WWOX: variants seen among roughly 807,000 people sequenced by gnomAD.
The protein encoded by WWOX is WW domain-containing oxidoreductase.
Under a neutral mutation model 46.2 loss-of-function variants are expected in WWOX, and 69 were observed. The ratio of observed to expected loss-of-function variants is 1.49; its 90% CI spans 1.23 to 1.82. WWOX has a LOEUF of 1.82. Ranked by LOEUF, WWOX falls within the 40% of genes most tolerant of loss-of-function variation. WWOX has a pLI of 0.00. For missense variants in WWOX, 919 were observed against 542.6 expected (o/e 1.69, Z -6.89); for synonymous variants, 359 against 202.6 (o/e 1.77, Z -6.56).
chr16:78,432,378 T>C (rs2083242216), intron 7 of WWOX, 110 bp from the exon 8 acceptor site: 1 of 1,447,000 alleles, frequency 6.9e-7, no homozygotes, highest in African/African-American at 1.4e-5. Context: ...AGTGCTCGGA[T>C]TACAGATGTG....
At chr16:78,620,871 G>C (rs1394468613) in intron 8 of WWOX, among the ~76,000 whole-genome samples, 1 of 151,994 alleles carries the variant, frequency 6.6e-6, no homozygotes, top group Non-Finnish European at 1.5e-5. Context: ...TCATGTCCAG[G>C]TCACTACGTA....
At chr16:78,489,357 C>A (rs1223350287) in intron 8 of WWOX, among the ~76,000 whole-genome samples, 1 of 152,116 alleles carries the variant, frequency 6.6e-6, no homozygotes, top group African/African-American at 2.4e-5. Flanking sequence ...GGATTTTTTT[C>A]CTCTCTTTAC....
At chr16:78,117,168 G>C (rs2032840790) in intron 4 of WWOX, among the ~76,000 whole-genome samples, 1 of 152,146 alleles carries the variant, frequency 6.6e-6, no homozygotes, top group African/African-American at 2.4e-5. Context: ...TTCCCCCTAA[G>C]ACTCTTCCTT....
chr16:78,790,882 T>C (rs544087728), intron 8 of WWOX, among the ~76,000 whole-genome samples: 4 of 151,206 alleles, frequency 2.6e-5, no homozygotes, highest in Admixed American at 1.3e-4. Context: ...AGCCGGGCGT[T>C]TTGGTGCTTG....
chr16:78,216,061 G>A (rs1215069035), intron 5 of WWOX, among the ~76,000 whole-genome samples: 3 of 152,138 alleles, frequency 2.0e-5, no homozygotes, highest in Non-Finnish European at 4.4e-5. Context: ...CAAACACATC[G>A]CTAACCAATG....
intron 8 of WWOX, chr16:78,525,756 C>T (rs78481124): frequency 0.012 from 1,882 of 151,790 alleles, 30 homozygotes; most frequent in Middle Eastern, 0.038. Flanking sequence ...CCTTTCTTCT[C>T]CCCCAGGTTT....
intron 8 of WWOX, among the ~76,000 whole-genome samples, chr16:78,507,345 A>G (rs2085234101): frequency 6.6e-6 from 1 of 152,200 alleles, no homozygotes; most frequent in African/African-American, 2.4e-5. Flanking sequence ...ATTTTAAGCA[A>G]CTGACCCTTG....
At chr16:78,726,354 T>C (rs1447866592) in intron 8 of WWOX, among the ~76,000 whole-genome samples, 1 of 151,568 alleles carries the variant, frequency 6.6e-6, no homozygotes, top group Non-Finnish European at 1.5e-5. Context: ...GCCTCCCGGG[T>C]AGCTGGGACC....
rs1039818432 is a variant in WWOX, at chr16:78,732,470, T to A, written c.1056+299718T>A. On this transcript the variant is annotated intron_variant, in intron 8 of 8. Transcript: ENST00000566780. ...TCAGATGATTCCAGTTTCCAAACAC[T>A]GTGAAGCAGAGGCTGACTGTCCCCT... Among the ~76,000 whole-genome samples the A allele has an allele frequency of 5.9e-5, 9 of 152,280 alleles. No homozygotes were observed. The East Asian group carries it at 1.7e-3, about 30-fold the overall frequency.
At chr16:78,812,389 C>G (rs1018625683) in intron 8 of WWOX, among the ~76,000 whole-genome samples, 22 of 151,926 alleles carry the variant, frequency 1.4e-4, no homozygotes, top group Admixed American at 1.2e-3. Context: ...TAATGTCAAA[C>G]AACTTCTTGA....
intron 8 of WWOX, among the ~76,000 whole-genome samples, chr16:78,935,765 T>G (rs1275160520): frequency 2.0e-5 from 3 of 151,664 alleles, no homozygotes; most frequent in South Asian, 2.1e-4. Flanking sequence ...AAAAAAAAAT[T>G]AGCTGGGCGT....
chr16:78,543,293 CCAGT>C (rs2043943247), intron 8 of WWOX, among the ~76,000 whole-genome samples: 2 of 150,236 alleles, frequency 1.3e-5, no homozygotes, highest in African/African-American at 4.8e-5. Flanking sequence ...ACTGGCTAGG[CCAGT>C]CACGTGGCCC....
chr16:78,935,697 T>C lies in WWOX; in HGVS notation c.1057-275911T>C, dbSNP rs141245045. The stretch of plus-strand genomic sequence containing the variant: ...GTGCAGCACACCGACATGGCACATG[T>C]ATACTTATGTAACAAAGCTGCACAT... On this transcript the variant is annotated intron_variant, in intron 8 of 8. Coordinates refer to ENST00000566780, the MANE Select transcript of WWOX (RefSeq NM_016373.4). Among the ~76,000 whole-genome samples, 13 of 152,106 alleles carry C rather than the reference T, an allele frequency of 8.5e-5. 2 individuals are homozygous for C. Among genetic ancestry groups the C allele is most frequent in the African/African-American group, 3.1e-4 (13 of 41,488 alleles).
intron 8 of WWOX, among the ~76,000 whole-genome samples, chr16:78,691,505 G>A (rs952988923): frequency 5.9e-5 from 9 of 152,026 alleles, no homozygotes; most frequent in Non-Finnish European, 1.0e-4. Flanking sequence ...CTAGGAGTTC[G>A]AGACCAGTCT....
intron 6 of WWOX, among the ~76,000 whole-genome samples, chr16:78,412,257 A>G (rs2082699002): frequency 6.6e-6 from 1 of 152,204 alleles, no homozygotes; most frequent in African/African-American, 2.4e-5. Flanking sequence ...AATATCAGCC[A>G]TTACAGAAAT....
chr16:79,037,376 A>C (rs1478661932), intron 8 of WWOX, among the ~76,000 whole-genome samples: 1 of 152,140 alleles, frequency 6.6e-6, no homozygotes, highest in African/African-American at 2.4e-5. Context: ...TCCTAGGGTC[A>C]GTTGATTGAG....
intron 5 of WWOX, among the ~76,000 whole-genome samples, chr16:78,325,722 G>T (rs2080596162): frequency 6.6e-6 from 1 of 152,218 alleles, no homozygotes; most frequent in Non-Finnish European, 1.5e-5. Context: ...TTTTTCATGG[G>T]ACTGTAACCT....
At chr16:78,104,507 A>C (rs2032019250) in intron 1 of WWOX, among the ~76,000 whole-genome samples, 1 of 152,186 alleles carries the variant, frequency 6.6e-6, no homozygotes, top group Non-Finnish European at 1.5e-5. Flanking sequence ...TTGTCTAAAA[A>C]AAAATTAACA....
chr16:78,868,319 A>T (rs1489686052), intron 8 of WWOX, among the ~76,000 whole-genome samples: 1 of 152,140 alleles, frequency 6.6e-6, no homozygotes, highest in African/African-American at 2.4e-5. Flanking sequence ...TGAAATTTCT[A>T]GAAAAGATGA....
Sources: gnomAD v4.1 joint callset for allele counts (sites outside exome capture counted in the v4.1 genomes callset) on GRCh38, gnomAD v4.1.1 for gene constraint, MANE v1.5 for transcripts, NCBI Gene and HGNC (gene_info 2026-07-23, HGNC 2026-07-21) for gene names.